The following RCC1L variants were observed in gnomAD, a reference collection of about 807,000 sequenced individuals.
The protein encoded by RCC1L is RCC1 like.
RCC1L carries 46 observed loss-of-function variants against 58.6 expected under a neutral mutation model. That is an observed-to-expected ratio of 0.79 (90% confidence interval 0.62 to 1.00). RCC1L has a LOEUF of 1.00. Among genes scored for constraint, RCC1L ranks in the 50% least tolerant of loss-of-function variants. The pLI, the probability that RCC1L is intolerant of heterozygous loss-of-function variation, is 0.00. For missense variants in RCC1L, 636 were observed against 623.6 expected (o/e 1.02, Z -0.21); for synonymous variants, 281 against 262.9 (o/e 1.07, Z -0.67).
In RCC1L at chr7:75,042,497, C is replaced by T. The variant is rs1805594838; in HGVS notation, c.*535G>A. ...CCAGGCCACGGTGCTTCTAGTGTCC[C>T]CCCAGCGAGCTTGCGGTGTGGCAGG... On this transcript the variant is annotated 3_prime_UTR_variant, in exon 11 of 11. Transcript: ENST00000610322. 4 of 990,774 alleles carry T rather than the reference C, an allele frequency of 4.0e-6. No homozygotes were observed. Among genetic ancestry groups the T allele is most frequent in the Non-Finnish European group, 4.8e-6 (4 of 832,924 alleles). The allele number at this position is 990,774 out of a possible 1,614,324, so 61.4% of individuals were successfully genotyped here. A position where few individuals can be genotyped will look rare whatever the true frequency, so the allele number is the denominator to read the frequency against.
chr7:75,033,226 A>C lies in RCC1L; in HGVS notation c.1318-5147T>G, dbSNP rs1805354653. Among the ~76,000 whole-genome samples the C allele has an allele frequency of 2.0e-5, 3 of 152,180 alleles. No homozygotes were observed. The South Asian group carries it at 6.2e-4, about 32-fold the overall frequency. ...CAGGGGTCCTTCCCGGAGCATTACAAGGGATGCAGTGCTAGGATGGACCAC... is the reference window on the plus strand; with the variant it reads ...CAGGGGTCCTTCCCGGAGCATTACACGGGATGCAGTGCTAGGATGGACCAC... On this transcript the variant is annotated intron_variant, in intron 10 of 10. Transcript: ENST00000614461.
At chr7:75,039,913 G>A (rs1309627111), downstream of RCC1L, among the ~76,000 whole-genome samples, 15 of 152,270 alleles carry the variant, frequency 9.9e-5, no homozygotes, top group African/African-American at 3.4e-4. Flanking sequence ...TTCTATGGAC[G>A]TGTGTGTCAA....
At chr7:75,056,656 G>A (rs1563075916) in intron 8 of RCC1L, 1 of 1,535,394 alleles carries the variant, frequency 6.5e-7, no homozygotes, top group Non-Finnish European at 8.7e-7. Context: ...GCTAAGGGAG[G>A]GGAATGAAGT....
downstream of RCC1L, among the ~76,000 whole-genome samples, chr7:75,039,002 G>A (rs1360047748): frequency 5.3e-5 from 8 of 152,190 alleles, no homozygotes; most frequent in Admixed American, 1.3e-4. Flanking sequence ...CACCACGTCC[G>A]GCTAATTTTT....
downstream of RCC1L, among the ~76,000 whole-genome samples, chr7:75,039,209 C>A (rs1028611268): frequency 6.6e-6 from 1 of 152,180 alleles, no homozygotes; most frequent in Admixed American, 6.5e-5. Flanking sequence ...ATGCTAGTAC[C>A]GGGTGGAAGG....
intron 10 of RCC1L, among the ~76,000 whole-genome samples, chr7:75,028,513 G>A (rs2131963451): frequency 6.6e-6 from 1 of 152,162 alleles, no homozygotes; most frequent in East Asian, 1.9e-4. Context: ...TCTCCATTAA[G>A]AAAAGCTCAG....
intron 3 of RCC1L, among the ~76,000 whole-genome samples, chr7:75,066,387 G>A (rs1468859390): frequency 6.6e-6 from 1 of 152,030 alleles, no homozygotes; most frequent in Non-Finnish European, 1.5e-5. Flanking sequence ...CCAGGAGGTG[G>A]AGCTTGCAGT....
chr7:75,044,877 C>T (rs1454280270), intron 10 of RCC1L, among the ~76,000 whole-genome samples: 2 of 152,054 alleles, frequency 1.3e-5, no homozygotes, highest in Admixed American at 6.6e-5. Flanking sequence ...CAAAAATTAG[C>T]TGGGCATGGT....
In RCC1L at chr7:75,030,655, T is replaced by C. The variant is rs1016555098; in HGVS notation, c.1318-2576A>G. 5.4e-4 allele frequency among the ~76,000 whole-genome samples: 82 copies of C among 152,272 alleles called. 1 individual carries two copies. The highest frequency in any genetic ancestry group is 2.2e-3 in the Admixed American group (34 of 15,296). On this transcript the variant is annotated intron_variant, in intron 10 of 10. Transcript: ENST00000614461. ...CAACCCACAGGGCTGCTTGAGTGTC[T>C]TCACAATATGGCGCTCGGCTTCCCC...
chr7:75,064,436 A>T, intron 4 of RCC1L, 146 bp downstream of exon 4: 1 of 820,934 alleles, frequency 1.2e-6, no homozygotes, highest in African/African-American at 1.7e-5. Context: ...TGAAACAGAC[A>T]GCACTCCCCC....
At chr7:75,052,076 C>T (rs1446248960) in intron 10 of RCC1L, among the ~76,000 whole-genome samples, 4 of 152,126 alleles carry the variant, frequency 2.6e-5, no homozygotes, top group African/African-American at 4.8e-5. Context: ...TTAGAATGAG[C>T]GTCTCTTCCC....
rs587741001 is a variant in RCC1L at position 75,069,655 on chromosome 7, A to G, written c.454+985T>C. Among the ~76,000 whole-genome samples the G allele has an allele frequency of 9.3e-4, 142 of 152,262 alleles. 1 individual carries two copies. The highest frequency in any genetic ancestry group is 3.0e-3 in the African/African-American group (125 of 41,562). On this transcript the variant is annotated intron_variant, in intron 2 of 10. Coordinates refer to ENST00000610322, the MANE Select transcript of RCC1L (RefSeq NM_030798.5). ...CGACTCACTGCAACCTCCACCTCCC[A>G]GGTTCAAGAGATTCTTGTGCCTCAG... is the stretch of plus-strand genomic sequence containing the variant.
intron 10 of RCC1L, among the ~76,000 whole-genome samples, chr7:75,030,315 G>C: frequency 6.6e-6 from 1 of 152,246 alleles, no homozygotes. Context: ...CTGGCTCTTG[G>C]AGTATTTTGA....
Position 75,058,761 on chromosome 7 carries a change from G to A in RCC1L, c.796C>T (p.His266Tyr). The A allele has an allele frequency of 6.2e-7, 1 of 1,613,922 alleles. No homozygotes were observed. Among genetic ancestry groups the A allele is most frequent in the Non-Finnish European group, 8.5e-7 (1 of 1,179,844 alleles). The change falls in exon 7 of 11, where the codon CAC becomes TAC. Residue 266 changes from histidine (H) to tyrosine (Y), a missense_variant. Physicochemically the swap from His to Tyr is moderately conservative, Grantham distance 83. Transcript: ENST00000610322. Reference sequence around the variant, plus strand: ...GTGGGCGAGCTGGTGATATTGTAGTGACCCAGACCTAACACAGTGGAAAAT... The same window carrying A: ...GTGGGCGAGCTGGTGATATTGTAGTAACCCAGACCTAACACAGTGGAAAAT... Reference protein sequence around the residue: ...WGADGQTGLGHYNITSSPTKL... With the variant: ...WGADGQTGLGYYNITSSPTKL...
At chr7:75,046,725 A>G (rs1441008501) in intron 10 of RCC1L, among the ~76,000 whole-genome samples, 2 of 152,250 alleles carry the variant, frequency 1.3e-5, no homozygotes, top group Non-Finnish European at 2.9e-5. Flanking sequence ...AAACAGTTCC[A>G]AAAACCAGAA....
chr7:75,042,763 G>T lies in RCC1L; in HGVS notation c.*269C>A, dbSNP rs1584488557. 7.1e-6 allele frequency: 10 copies of T among 1,399,668 alleles called. No homozygotes were observed. Among genetic ancestry groups the T allele is most frequent in the Non-Finnish European group, 1.9e-6 (2 of 1,070,262 alleles). 86.7% of individuals were successfully genotyped at this position (1,399,668 alleles called of 1,614,324 possible). A position where few individuals can be genotyped will look rare whatever the true frequency, so the allele number is the denominator to read the frequency against. On this transcript the variant is annotated 3_prime_UTR_variant, in exon 11 of 11. Transcript: ENST00000610322. ...CACCAGACACCGTCGCATGTTACTTGGAGAGAACAGAGACGTGCGGGCCAC... is the reference window on the plus strand; with the variant it reads ...CACCAGACACCGTCGCATGTTACTTTGAGAGAACAGAGACGTGCGGGCCAC...
chr7:75,027,584 G>A, exon 11 of RCC1L: 1 of 182,958 alleles, frequency 5.5e-6, no homozygotes, highest in Non-Finnish European at 1.2e-5. Context: ...CTGGGGACTG[G>A]CCTCGTGTCA....
At position 75,069,306 on chromosome 7, in the gene RCC1L, C is replaced by G. The variant is rs1303355711; in HGVS notation, c.454+1334G>C. Among the ~76,000 whole-genome samples the G allele has an allele frequency of 7.2e-5, 11 of 152,312 alleles. 1 individual carries two copies. Among genetic ancestry groups the G allele is most frequent in the Admixed American group, 7.2e-4 (11 of 15,280 alleles). ...CTCCTGGGCTCAAGCAATCCTCCTA[C>G]CTCAGCCTCTGGAGTAACTAGGATT... On this transcript the variant is annotated intron_variant, in intron 2 of 10. Transcript: ENST00000610322.
At chr7:75,031,515 A>G (rs1415397083) in intron 10 of RCC1L, among the ~76,000 whole-genome samples, 1 of 141,220 alleles carries the variant, frequency 7.1e-6, no homozygotes, top group African/African-American at 2.6e-5. Context: ...GTTAATTAAA[A>G]TGAAAAAAAA....
Sources: allele counts gnomAD v4.1 joint callset (sites outside exome capture counted in the v4.1 genomes callset), GRCh38; gene constraint gnomAD v4.1.1; transcripts MANE v1.5; gene names NCBI Gene and HGNC (gene_info 2026-07-23, HGNC 2026-07-21).